NT5C3A: variants seen among roughly 807,000 people sequenced by gnomAD.
NT5C3A encodes 5'-nucleotidase, cytosolic IIIA, also known as cytosolic 5'-nucleotidase 3A.
Under a neutral mutation model 40.0 loss-of-function variants are expected in NT5C3A, and 23 were observed. The ratio of observed to expected loss-of-function variants is 0.58; its 90% CI spans 0.41 to 0.81. The LOEUF is 0.81. NT5C3A is among the 40% of genes least tolerant of loss of function. The pLI is 0.00. For missense variants in NT5C3A, 328 were observed against 403.0 expected, an observed-to-expected ratio of 0.81 and a Z score of 1.59; for synonymous variants, 130 against 141.4, an observed-to-expected ratio of 0.92 and a Z score of 0.57.
At chr7:33,061,358 G>C (rs2128022683) in intron 1 of NT5C3A, among the ~76,000 whole-genome samples, 1 of 152,254 alleles carries the variant, frequency 6.6e-6, no homozygotes, top group African/African-American at 2.4e-5. Context: ...CAAAATTAGG[G>C]AATATTATTG....
chr7:33,019,795 A>T (rs2392209), intron 5 of NT5C3A, 71 bp from the exon 6 acceptor site: 1 of 866,128 alleles, frequency 1.2e-6, no homozygotes, highest in Non-Finnish European at 1.9e-6. Flanking sequence ...TTATTACAAA[A>T]CATTCTTCCA....
chr7:33,049,015 T>C (rs1239042667), intron 1 of NT5C3A, among the ~76,000 whole-genome samples: 1 of 152,222 alleles, frequency 6.6e-6, no homozygotes, highest in African/African-American at 2.4e-5. Flanking sequence ...GGACAATATG[T>C]ATTGAATAAC....
At chr7:33,031,024 C>CG (rs1247209148) in intron 1 of NT5C3A, among the ~76,000 whole-genome samples, 2 of 147,984 alleles carry the variant, frequency 1.4e-5, no homozygotes, top group Admixed American at 6.9e-5. Context: ...GCATGAACCC[C>CG]GGGGGGCGGA....
chr7:33,058,445 C>T (rs1787653002), intron 1 of NT5C3A, among the ~76,000 whole-genome samples: 2 of 152,250 alleles, frequency 1.3e-5, no homozygotes, highest in Admixed American at 6.5e-5. Flanking sequence ...CTCCTGGTTT[C>T]AAGCGATTCT....
rs2127991751 is a variant in NT5C3A, at chr7:33,014,762, C to T, written c.964G>A (p.Val322Ile). 2 of 1,612,806 alleles carry T rather than the reference C, an allele frequency of 1.2e-6. No homozygotes were observed. Among genetic ancestry groups the T allele is most frequent in the East Asian group, 2.2e-5 (1 of 44,822 alleles). Reference protein sequence around the residue: ...IVLVQDESLEVANSILQKIL With the variant: ...IVLVQDESLEIANSILQKIL ...ATCTTCTGTAAAATAGAGTTGGCTA[C>T]TTCTAATGATTCATCTTGTACTAAA... Residue 322 changes from valine (V) to isoleucine (I), a missense_variant, in exon 9 of 9, where the codon GTA becomes ATA. This residue lies in a region of NT5C3A where 36 missense variants were observed against 51.1 expected (regional missense o/e 0.70). Transcript: ENST00000610140.
chr7:33,015,640 T>C, intron 8 of NT5C3A, 30 bp downstream of exon 8: 1 of 1,423,130 alleles, frequency 7.0e-7, no homozygotes, highest in South Asian at 1.2e-5. Context: ...AATATTTTCT[T>C]CGAAAAAAAT....
intron 1 of NT5C3A, among the ~76,000 whole-genome samples, chr7:33,046,411 T>G (rs1787156620): frequency 6.6e-6 from 1 of 152,030 alleles, no homozygotes; most frequent in Non-Finnish European, 1.5e-5. Flanking sequence ...TGGTGGCATG[T>G]GCCTGTAGCC....
intron 1 of NT5C3A, among the ~76,000 whole-genome samples, chr7:33,047,071 C>T (rs1787188715): frequency 6.6e-6 from 1 of 150,618 alleles, no homozygotes; most frequent in Non-Finnish European, 1.5e-5. Flanking sequence ...CCTCCCGAAT[C>T]TTTTTATTTT....
At position 33,019,715 on chromosome 7, in the gene NT5C3A, T is replaced by C; in HGVS notation, c.450A>G (p.Lys150=). The change falls in exon 6 of 9, where the codon AAA becomes AAG. Residue 150 remains lysine, a synonymous_variant. Coordinates refer to ENST00000610140, the MANE Select transcript of NT5C3A (RefSeq NM_001002010.5). Reference sequence around the variant, plus strand: ...CTTGCTGAACAAGCAAACCATGTGATTTAGTATACCTGGAGTTTATGACCA... The same window carrying C: ...CTTGCTGAACAAGCAAACCATGTGACTTAGTATACCTGGAGTTTATGACCA... ...KYPYMVEWYT[K]SHGLLVQQAL... 2 of 1,591,590 alleles carry C rather than the reference T, an allele frequency of 1.3e-6. No individual in the cohort carries two copies. Among genetic ancestry groups the C allele is most frequent in the Non-Finnish European group, 1.7e-6 (2 of 1,161,656 alleles).
At chr7:33,054,799 C>G (rs1324386624) in intron 1 of NT5C3A, among the ~76,000 whole-genome samples, 1 of 152,164 alleles carries the variant, frequency 6.6e-6, no homozygotes, top group East Asian at 1.9e-4. Flanking sequence ...GTTCAAAAAG[C>G]TTCAGATTTT....
At chr7:33,044,530 T>C (rs996829416) in intron 1 of NT5C3A, among the ~76,000 whole-genome samples, 1 of 152,144 alleles carries the variant, frequency 6.6e-6, no homozygotes, top group Non-Finnish European at 1.5e-5. Context: ...CTCATTGACA[T>C]AGAAACAGAA....
intron 1 of NT5C3A, among the ~76,000 whole-genome samples, chr7:33,061,221 G>A (rs567154726): frequency 9.2e-5 from 14 of 152,316 alleles, no homozygotes; most frequent in Admixed American, 4.6e-4. Context: ...TTCTAAGCAG[G>A]AAAGCAACAA....
intron 7 of NT5C3A, 194 bp from the exon 8 acceptor site, chr7:33,016,064 T>C (rs991890934): frequency 1.7e-6 from 1 of 581,398 alleles, no homozygotes. Flanking sequence ...TAAATGATTT[T>C]TTAGATACTA....
chr7:33,059,585 G>GTTA (rs895091805), intron 1 of NT5C3A, among the ~76,000 whole-genome samples: 82 of 152,288 alleles, frequency 5.4e-4, no homozygotes, highest in African/African-American at 1.9e-3. Flanking sequence ...TAGGCACTGT[G>GTTA]TTATCTCATT....
rs1035330503 is a variant in NT5C3A at position 33,021,527 on chromosome 7, T to C, written c.355-170A>G. Among the ~76,000 whole-genome samples the C allele has an allele frequency of 3.9e-5, 6 of 152,194 alleles. No individual in the cohort carries two copies. In the South Asian group the frequency reaches 1.2e-3, roughly 31 times the overall value. On this transcript the variant is annotated intron_variant, in intron 4 of 8. Coordinates refer to ENST00000610140, the MANE Select transcript of NT5C3A (RefSeq NM_001002010.5). ...TGATCTTAGTTGACATGTAATCAAA[T>C]ATACCTGCAAAAAGCTACCTTTCTT...
chr7:33,029,277 G>A (rs910504521), intron 1 of NT5C3A: 19 of 169,270 alleles, frequency 1.1e-4, no homozygotes, highest in South Asian at 8.3e-4. Flanking sequence ...CCATTCACTC[G>A]CCTAACCAAT....
intron 1 of NT5C3A, among the ~76,000 whole-genome samples, chr7:33,060,941 C>G (rs151041017): frequency 1.3e-5 from 2 of 152,320 alleles, no homozygotes; most frequent in African/African-American, 4.8e-5. Context: ...AATTAATATA[C>G]TATGCATACA....
At chr7:33,060,451 C>G (rs1299968175) in intron 1 of NT5C3A, among the ~76,000 whole-genome samples, 2 of 150,862 alleles carry the variant, frequency 1.3e-5, no homozygotes, top group African/African-American at 4.9e-5. Flanking sequence ...AGGTGTGAGC[C>G]ACCATGCCTA....
intron 1 of NT5C3A, chr7:33,029,359 C>T (rs984272318): frequency 1.3e-5 from 4 of 305,156 alleles, no homozygotes; most frequent in Non-Finnish European, 2.6e-5. Flanking sequence ...GTAGTATTTA[C>T]TCTGCTTTTC....
Sources: gnomAD v4.1 joint callset for allele counts (sites outside exome capture counted in the v4.1 genomes callset) on GRCh38, gnomAD v4.1.1 for gene constraint, gnomAD v4.1.1 regional missense constraint, MANE v1.5 for transcripts, NCBI Gene and HGNC (gene_info 2026-07-23, HGNC 2026-07-21) for gene names.